ACAP2: variants seen among roughly 807,000 people sequenced by gnomAD.
The protein encoded by ACAP2 is ArfGAP with coiled-coil, ankyrin repeat and PH domains 2, also known as arf-GAP with coiled-coil, ANK repeat and PH domain-containing protein 2.
ACAP2 carries 39 observed loss-of-function variants against 115.8 expected under a neutral mutation model. The ratio of observed to expected loss-of-function variants is 0.34; its 90% confidence interval spans 0.26 to 0.44. The LOEUF is 0.44. Among genes scored for constraint, ACAP2 ranks in the 20% least tolerant of loss-of-function variants. The pLI, the probability that ACAP2 is intolerant of heterozygous loss-of-function variation, is 1.00. For missense variants in ACAP2, 662 were observed against 927.6 expected (o/e 0.71, Z 3.72); for synonymous variants, 289 against 315.8 (o/e 0.92, Z 0.90).
intron 1 of ACAP2, among the ~76,000 whole-genome samples, chr3:195,405,500 C>T (rs956082060): frequency 2.0e-5 from 3 of 152,026 alleles, no homozygotes; most frequent in African/African-American, 2.4e-5. Flanking sequence ...GCCTGATCAA[C>T]GTGGTGAAAC....
intron 1 of ACAP2, among the ~76,000 whole-genome samples, chr3:195,402,817 C>A (rs1252985641): frequency 2.0e-5 from 3 of 152,078 alleles, no homozygotes; most frequent in Non-Finnish European, 4.4e-5. Context: ...TAAAAAACAC[C>A]ATTCCTAGAA....
At position 195,277,505 on chromosome 3, in the gene ACAP2, A is replaced by G. The variant is rs1726224070; in HGVS notation, c.*1823T>C. 3 of 152,356 alleles carry G rather than the reference A, an allele frequency of 2.0e-5. No individual in the cohort carries two copies. In the South Asian group the frequency reaches 6.2e-4, roughly 32 times the overall value. The allele number at this position is 152,356 out of a possible 1,614,324, so 9.4% of individuals were successfully genotyped here. ...TATCTAACATACAGTGACCATTACT[A>G]AATAAGCATTACATGCATGCAGTTT... On this transcript the variant is annotated 3_prime_UTR_variant, in exon 23 of 23. Transcript: ENST00000326793.
chr3:195,364,237 A>G (rs1350639285), intron 4 of ACAP2, among the ~76,000 whole-genome samples: 1 of 152,238 alleles, frequency 6.6e-6, no homozygotes, highest in East Asian at 1.9e-4. Flanking sequence ...AAGGGCTCAA[A>G]TAACTAGGAA....
intron 1 of ACAP2, among the ~76,000 whole-genome samples, chr3:195,425,075 A>G (rs971590001): frequency 6.8e-6 from 1 of 146,472 alleles, no homozygotes; most frequent in South Asian, 2.3e-4. Context: ...AGGTAGCAGG[A>G]TATCAAACAC....
At chr3:195,352,267 A>C (rs2108674658) in intron 4 of ACAP2, among the ~76,000 whole-genome samples, 1 of 152,290 alleles carries the variant, frequency 6.6e-6, no homozygotes, top group South Asian at 2.1e-4. Flanking sequence ...GGTGTGTAGG[A>C]GGCTACACTG....
At chr3:195,290,728 G>A (rs1283584005) in intron 20 of ACAP2, among the ~76,000 whole-genome samples, 6 of 151,934 alleles carry the variant, frequency 3.9e-5, no homozygotes, top group Admixed American at 6.6e-5. Flanking sequence ...CAGGAGAATC[G>A]CTTGAACCCA....
rs537101410 is a variant in ACAP2 at position 195,429,223 on chromosome 3, G to A, written c.53+13572C>T. Among the ~76,000 whole-genome samples the A allele has an allele frequency of 4.0e-5, 6 of 151,748 alleles. No individual in the cohort carries two copies. In the South Asian group the frequency reaches 6.2e-4, roughly 16 times the overall value. ...GCCAACATGATAAAACCCCATCTCC[G>A]CTAAATATACAAAAATTAGTCGGGT... On this transcript the variant is annotated intron_variant, in intron 1 of 22. Coordinates refer to ENST00000326793, the MANE Select transcript of ACAP2 (RefSeq NM_012287.6).
At chr3:195,418,475 G>A (rs1713915715) in intron 1 of ACAP2, among the ~76,000 whole-genome samples, 1 of 152,078 alleles carries the variant, frequency 6.6e-6, no homozygotes, top group Non-Finnish European at 1.5e-5. Context: ...CCAGGGCAGG[G>A]GTGCGGTGGT....
intron 9 of ACAP2, among the ~76,000 whole-genome samples, chr3:195,324,096 A>T (rs574335043): frequency 6.6e-6 from 1 of 152,342 alleles, no homozygotes; most frequent in Non-Finnish European, 1.5e-5. Flanking sequence ...AAAAATTTTT[A>T]AAAGGATTTG....
chr3:195,342,679 AC>A, intron 5 of ACAP2, 25 bp from the exon 6 acceptor site: 1 of 1,557,488 alleles, frequency 6.4e-7, no homozygotes, highest in East Asian at 2.2e-5. Flanking sequence ...ACTTAGTGAA[AC>A]TTTTATAACT....
chr3:195,294,577 T>TC, intron 18 of ACAP2, 142 bp downstream of exon 18: 1 of 92,058 alleles, frequency 1.1e-5, no homozygotes, highest in South Asian at 5.0e-4. Context: ...AAACTCCATC[T>TC]CAAAAAAAAA....
At chr3:195,346,249 A>G (rs1731181439) in intron 4 of ACAP2, among the ~76,000 whole-genome samples, 1 of 152,194 alleles carries the variant, frequency 6.6e-6, no homozygotes, top group African/African-American at 2.4e-5. Context: ...CAGAAGAAAG[A>G]AAATAATAAA....
At chr3:195,390,818 A>T (rs1197031571) in intron 2 of ACAP2, among the ~76,000 whole-genome samples, 1 of 152,248 alleles carries the variant, frequency 6.6e-6, no homozygotes, top group Non-Finnish European at 1.5e-5. Context: ...TTTCAAATAT[A>T]TACATCTGAT....
intron 4 of ACAP2, among the ~76,000 whole-genome samples, chr3:195,359,883 T>C (rs1191781751): frequency 6.6e-6 from 1 of 152,066 alleles, no homozygotes; most frequent in Non-Finnish European, 1.5e-5. Context: ...TCTACAAACA[T>C]ATAATAAATA....
At chr3:195,307,645 G>A (rs1728506477) in intron 11 of ACAP2, among the ~76,000 whole-genome samples, 1 of 151,918 alleles carries the variant, frequency 6.6e-6, no homozygotes, top group African/African-American at 2.4e-5. Flanking sequence ...CACTCTCCTG[G>A]TCCCCACTCA....
At chr3:195,289,049 T>G in intron 21 of ACAP2, 72 bp downstream of exon 21, 1 of 1,218,066 alleles carries the variant, frequency 8.2e-7, no homozygotes, top group Non-Finnish European at 1.2e-6. Flanking sequence ...CTGGAACTAA[T>G]TCACTGTGGA....
chr3:195,409,342 A>G (rs184761822), intron 1 of ACAP2, among the ~76,000 whole-genome samples: 4 of 152,294 alleles, frequency 2.6e-5, no homozygotes, highest in Admixed American at 2.0e-4. Flanking sequence ...CATTTATAAT[A>G]GCATCAAAAT....
intron 6 of ACAP2, among the ~76,000 whole-genome samples, chr3:195,337,691 C>T (rs556493947): frequency 1.3e-5 from 2 of 152,306 alleles, no homozygotes; most frequent in East Asian, 3.9e-4. Context: ...AAGTGATCCA[C>T]CCGCCTTGGC....
At position 195,392,105 on chromosome 3, in the gene ACAP2, T is replaced by C. The variant is rs146204214; in HGVS notation, c.96A>G (p.Glu32=). 108 of 1,612,782 alleles carry C rather than the reference T, an allele frequency of 6.7e-5. No individual in the cohort carries two copies. In the African/African-American group the frequency reaches 1.4e-3, roughly 21 times the overall value. ...TAAAATTTACCTTATCAAGTTTTAG[T>C]TCCAATTCTGCCACATCACCTTCTA... is the stretch of plus-strand genomic sequence containing the variant. The part of the protein sequence containing the change: ...EEVEGDVAEL[E]LKLDKLVKLC... The change falls in exon 2 of 23, where the codon GAA becomes GAG. Residue 32 remains glutamate, a synonymous_variant. Transcript: ENST00000326793.
Sources: allele counts gnomAD v4.1 joint callset (sites outside exome capture counted in the v4.1 genomes callset), GRCh38; gene constraint gnomAD v4.1.1; transcripts MANE v1.5; gene names NCBI Gene and HGNC (gene_info 2026-07-23, HGNC 2026-07-21).